Variants in ZSCAN25 observed in about 807,000 individuals in gnomAD.
ZSCAN25 encodes zinc finger and SCAN domain containing 25.
ZSCAN25 carries 27 observed loss-of-function variants against 38.7 expected under a neutral mutation model. The observed-to-expected ratio is 0.70, with a 90% CI of 0.51 to 0.96. ZSCAN25 has a LOEUF of 0.96. Ranked by LOEUF, ZSCAN25 falls within the 40% of genes least tolerant of loss-of-function variation. ZSCAN25 has a pLI of 0.00. For synonymous variants in ZSCAN25, 273 were observed against 277.7 expected (o/e 0.98, Z 0.17); for missense variants, 637 against 705.9 (o/e 0.90, Z 1.11).
At chr7:99,709,222 G>A in the ZSCAN25 span, 1 of 1,613,882 alleles carries the variant, frequency 6.2e-7, no homozygotes, top group Non-Finnish European at 8.5e-7. Flanking sequence ...ACCATGTCAA[G>A]ATACTCCAAC....
chr7:99,689,772 A>T, the ZSCAN25 span, among the ~76,000 whole-genome samples: 2 of 152,230 alleles, frequency 1.3e-5, no homozygotes, highest in Non-Finnish European at 2.9e-5. Flanking sequence ...AAGGAGAATT[A>T]CAAACCACTG....
At chr7:99,652,693 A>G in the ZSCAN25 span, 1 of 1,614,142 alleles carries the variant, frequency 6.2e-7, no homozygotes, top group South Asian at 1.1e-5. Flanking sequence ...TCTCAAGTCT[A>G]ATAGCAACTG....
the ZSCAN25 span, among the ~76,000 whole-genome samples, chr7:99,703,387 T>C: frequency 6.6e-6 from 1 of 152,220 alleles, no homozygotes; most frequent in African/African-American, 2.4e-5. Flanking sequence ...AAGCCAAGAC[T>C]TGGGCGCTAA....
chr7:99,696,015 T>C, the ZSCAN25 span, among the ~76,000 whole-genome samples: 1 of 152,130 alleles, frequency 6.6e-6, no homozygotes, highest in Admixed American at 6.5e-5. Flanking sequence ...TCCTTTCCCG[T>C]CTCCACCATG....
rs1018696252 is a variant in ZSCAN25, at chr7:99,629,719, A to T, written c.1334A>T (p.His445Leu). The change falls in exon 8 of 8, where the codon CAC (histidine) becomes CTC (leucine). Residue 445 changes from histidine (H) to leucine (L), a missense_variant. Physicochemically the swap from His to Leu is moderately conservative, Grantham distance 99 (BLOSUM62 -3). Transcript: ENST00000394152. This position sits in a 1 kb window ranked among gnomAD's most constrained non-coding sequence, Gnocchi z 5.6. ...TGGAAGAGCTTCAGCCGCAGGCAGCACCTGCAGGTGCACCGGAGGACGCAC... is the reference window on the plus strand; with the variant it reads ...TGGAAGAGCTTCAGCCGCAGGCAGCTCCTGCAGGTGCACCGGAGGACGCAC... Reference protein sequence around the residue: ...DCWKSFSRRQHLQVHRRTHTG... With the variant: ...DCWKSFSRRQLLQVHRRTHTG... 8 of 1,614,124 alleles carry T rather than the reference A, an allele frequency of 5.0e-6. No homozygotes were observed. Among genetic ancestry groups the T allele is most frequent in the Non-Finnish European group, 5.1e-6 (6 of 1,180,024 alleles).
At chr7:99,704,759 C>A in the ZSCAN25 span, among the ~76,000 whole-genome samples, 1 of 151,948 alleles carries the variant, frequency 6.6e-6, no homozygotes. Flanking sequence ...GTCAGGAGAT[C>A]GAGAGCATCC....
rs1214267589 is a variant in ZSCAN25 at position 99,630,575 on chromosome 7, G to A, written c.*555G>A. 5 of 987,686 alleles carry A rather than the reference G, an allele frequency of 5.1e-6. No homozygotes were observed. The highest frequency in any genetic ancestry group is 6.0e-6 in the Non-Finnish European group (5 of 831,682). The allele number at this position is 987,686 out of a possible 1,614,324, so 61.2% of individuals were successfully genotyped here. Reference sequence around the variant, plus strand: ...AGCCCATGACCCGAGGCATTCTCAGGGTATCTGTGCTGTGTGCCCGTGAGA... The same window carrying A: ...AGCCCATGACCCGAGGCATTCTCAGAGTATCTGTGCTGTGTGCCCGTGAGA... On this transcript the variant is annotated 3_prime_UTR_variant, in exon 8 of 8. Coordinates refer to ENST00000394152, the MANE Select transcript of ZSCAN25 (RefSeq NM_145115.3).
the ZSCAN25 span, chr7:99,666,787 G>A: frequency 6.3e-7 from 1 of 1,599,300 alleles, no homozygotes; most frequent in East Asian, 2.2e-5. Flanking sequence ...GTGACATTTT[G>A]TAATGAATTT....
At chr7:99,671,125 G>A in the ZSCAN25 span, 1 of 94,246 alleles carries the variant, frequency 1.1e-5, no homozygotes, top group East Asian at 3.1e-4. Context: ...ATTTGTGTGT[G>A]TGTGTGTGTG....
chr7:99,664,369 C>A, the ZSCAN25 span, among the ~76,000 whole-genome samples: 3 of 152,168 alleles, frequency 2.0e-5, no homozygotes, highest in Non-Finnish European at 4.4e-5. Context: ...GACCTCTTAG[C>A]CTTTATCTAT....
At chr7:99,658,451 A>C in the ZSCAN25 span, among the ~76,000 whole-genome samples, 3 of 152,040 alleles carry the variant, frequency 2.0e-5, no homozygotes, top group African/African-American at 7.3e-5. Flanking sequence ...CGAGAGATCC[A>C]CTGTTAGTCT....
At chr7:99,714,033 C>T in the ZSCAN25 span, among the ~76,000 whole-genome samples, 2 of 152,188 alleles carry the variant, frequency 1.3e-5, no homozygotes, top group African/African-American at 2.4e-5. Context: ...GTTAGCCAGC[C>T]TTGCAGCCTC....
the ZSCAN25 span, among the ~76,000 whole-genome samples, chr7:99,700,708 T>C: frequency 2.4e-4 from 36 of 152,290 alleles, 1 homozygote; most frequent in Non-Finnish European, 3.8e-4. Flanking sequence ...TCTGGTATTA[T>C]TTACTTTCAT....
chr7:99,708,974 A>G, the ZSCAN25 span: 17 of 1,572,940 alleles, frequency 1.1e-5, no homozygotes, highest in Admixed American at 6.7e-5. Context: ...TCCTGTAGAG[A>G]GGCAGAATAT....
At chr7:99,676,673 A>G in the ZSCAN25 span, 36 of 653,628 alleles carry the variant, frequency 5.5e-5, no homozygotes, top group Non-Finnish European at 8.3e-5. Flanking sequence ...CTGGGAGCCT[A>G]TGGTGACACT....
chr7:99,727,067 T>G, the ZSCAN25 span, among the ~76,000 whole-genome samples: 3 of 152,212 alleles, frequency 2.0e-5, no homozygotes, highest in East Asian at 3.8e-4. Flanking sequence ...CCATAAGTCC[T>G]AAATCCTTTC....
the ZSCAN25 span, among the ~76,000 whole-genome samples, chr7:99,721,618 T>G: frequency 6.6e-6 from 1 of 152,152 alleles, no homozygotes; most frequent in African/African-American, 2.4e-5. Flanking sequence ...ACCACAATGG[T>G]CTCAGCCTAG....
rs75215552 is a variant in ZSCAN25 at position 99,619,062 on chromosome 7, T to TG, written c.-116dup. The TG allele has an allele frequency of 0.058, 8,912 of 152,682 alleles. 552 individuals are homozygous for TG. The highest frequency in any genetic ancestry group is 0.27 in the East Asian group (1,380 of 5,184). The allele number at this position is 152,682 out of a possible 1,614,324, so 9.5% of individuals were successfully genotyped here. A position where few individuals can be genotyped will look rare whatever the true frequency, so the allele number is the denominator to read the frequency against. On this transcript the variant is annotated 5_prime_UTR_variant, in exon 3 of 8. Coordinates refer to ENST00000394152, the MANE Select transcript of ZSCAN25 (RefSeq NM_145115.3). Reference sequence around the variant, plus strand: ...TTTCTTTCTAGAACTTGTCTCCACTTGCAGTTTTTAAAAGAGTTGCTTCCA... The same window carrying TG: ...TTTCTTTCTAGAACTTGTCTCCACTTGGCAGTTTTTAAAAGAGTTGCTTCCA...
chr7:99,680,977 A>T, the ZSCAN25 span, among the ~76,000 whole-genome samples: 1 of 152,230 alleles, frequency 6.6e-6, no homozygotes. Context: ...GTACTTGGGT[A>T]CAACACTGAC....
Sources: gnomAD v4.1 joint callset for allele counts (sites outside exome capture counted in the v4.1 genomes callset) on GRCh38, gnomAD v4.1.1 for gene constraint, Gnocchi (gnomAD v3.1) non-coding constraint, MANE v1.5 for transcripts, NCBI Gene and HGNC (gene_info 2026-07-23, HGNC 2026-07-21) for gene names.